Variants in MACF1 observed in about 807,000 individuals in gnomAD.
MACF1 encodes the protein microtubule actin crosslinking factor 1.
In MACF1, 193 loss-of-function variants were observed where a neutral mutation model predicts 854.8. That is an observed-to-expected ratio of 0.23 (90% CI 0.20 to 0.25). The LOEUF (loss-of-function observed/expected upper bound fraction) is 0.25. MACF1 is among the 10% of genes least tolerant of loss of function. The pLI is 1.00. For synonymous variants in MACF1, 3,185 were observed against 3,226.7 expected (o/e 0.99, Z 0.44); for missense variants, 7,722 against 8,929.1 (o/e 0.86, Z 5.45).
chr1:39,371,046 G>A (rs540018330), intron 51 of MACF1, among the ~76,000 whole-genome samples: 2 of 152,188 alleles, frequency 1.3e-5, no homozygotes, highest in South Asian at 2.1e-4. Context: ...ATGGCCAGGC[G>A]CAGTGGCTCA....
At chr1:39,385,404 C>G (rs768515313) in intron 56 of MACF1, 30 bp from the exon 57 acceptor site, 1 of 1,605,578 alleles carries the variant, frequency 6.2e-7, no homozygotes, top group East Asian at 2.2e-5. Context: ...TTTTTCCTGT[C>G]TAAACATCTT....
Position 39,427,567 on chromosome 1 carries a change from G to T in MACF1, c.16429G>T (p.Val5477Phe). ...GAAAAAGCTTGCTAACTCAGAACCTGTTGGCACTCAGACTGCCAAAATACA... is the reference window on the plus strand; with the variant it reads ...GAAAAAGCTTGCTAACTCAGAACCTTTTGGCACTCAGACTGCCAAAATACA... ...TEKKLANSEP[V>F]GTQTAKIQQQ... Residue 5477 changes from valine (V) to phenylalanine (F), a missense_variant, in exon 62 of 101, where the codon GTT becomes TTT. This residue lies in a region of MACF1 where 2,807 missense variants were observed against 3,235.8 expected (regional missense o/e 0.87). Coordinates refer to ENST00000564288, the MANE Select transcript of MACF1 (RefSeq NM_001394062.1). The T allele has an allele frequency of 1.9e-6, 3 of 1,614,124 alleles. No homozygotes were observed. Among genetic ancestry groups the T allele is most frequent in the Non-Finnish European group, 2.5e-6 (3 of 1,179,996 alleles).
chr1:39,123,639 A>G (rs537301954), intron 2 of MACF1, among the ~76,000 whole-genome samples: 67 of 150,986 alleles, frequency 4.4e-4, no homozygotes, highest in African/African-American at 1.4e-3. Flanking sequence ...CCCCGGGCTC[A>G]GGTGATCCTC....
Position 39,432,618 on chromosome 1 carries a change from A to G in MACF1, c.17421A>G (p.Glu5807=), listed in dbSNP as rs748284829. The G allele has an allele frequency of 6.2e-7, 1 of 1,614,106 alleles. No individual in the cohort carries two copies. Among genetic ancestry groups the G allele is most frequent in the Non-Finnish European group, 8.5e-7 (1 of 1,179,982 alleles). Residue 5807 remains glutamate, a synonymous_variant, in exon 67 of 101, where the codon GAA becomes GAG. Coordinates refer to ENST00000564288, the MANE Select transcript of MACF1 (RefSeq NM_001394062.1). ...KLMALGPIRL[E]QDQTTAQLQV... The stretch of plus-strand genomic sequence containing the variant: ...TGGCTCTGGGTCCAATTCGCCTGGA[A>G]CAGGACCAGACCACAGCTCAGCTTC...
chr1:39,174,747 C>T (rs1460728859), intron 2 of MACF1, among the ~76,000 whole-genome samples: 1 of 152,126 alleles, frequency 6.6e-6, no homozygotes, highest in African/African-American at 2.4e-5. Context: ...AAGCTTGAAC[C>T]AAGGTATAGA....
chr1:39,218,942 G>C (rs1012839226), intron 1 of MACF1, among the ~76,000 whole-genome samples: 1 of 152,016 alleles, frequency 6.6e-6, no homozygotes, highest in African/African-American at 2.4e-5. Context: ...CACCACACCT[G>C]GCTGATTTTT....
chr1:39,337,457 T>TTG, intron 38 of MACF1, 126 bp downstream of exon 38: 1 of 870,218 alleles, frequency 1.1e-6, no homozygotes. Context: ...TCTCAGACCC[T>TTG]TGTCAGATAA....
At chr1:39,406,023 T>C (rs1237022882) in intron 58 of MACF1, among the ~76,000 whole-genome samples, 1 of 152,166 alleles carries the variant, frequency 6.6e-6, no homozygotes, top group East Asian at 1.9e-4. Flanking sequence ...AATTAAGACA[T>C]GGAGGAGAAC....
At chr1:39,417,564 T>G (rs1239209253) in intron 58 of MACF1, among the ~76,000 whole-genome samples, 1 of 151,724 alleles carries the variant, frequency 6.6e-6, no homozygotes, top group Non-Finnish European at 1.5e-5. Flanking sequence ...GTTTTTTTTT[T>G]TAGACAGAGT....
Position 39,360,771 on chromosome 1 carries a change from T to A in MACF1, c.12245-22T>A, listed in dbSNP as rs760861502. ...ATACAAAAATTGTCTCCACTCTTTC[T>A]TTTCATGGCCTGATTTTTCAGATTC... On this transcript the variant is annotated intron_variant, in intron 47 of 100. Coordinates refer to ENST00000564288, the MANE Select transcript of MACF1 (RefSeq NM_001394062.1). 3 of 1,545,648 alleles carry A rather than the reference T, an allele frequency of 1.9e-6. No homozygotes were observed. The South Asian group carries it at 3.7e-5, about 19-fold the overall frequency.
intron 22 of MACF1, among the ~76,000 whole-genome samples, chr1:39,301,956 T>C (rs1416874395): frequency 6.6e-6 from 1 of 151,492 alleles, no homozygotes; most frequent in East Asian, 1.9e-4. Context: ...AAATACAGAC[T>C]ATGCTTGTCT....
At chr1:39,239,708 G>A (rs1269460165) in intron 2 of MACF1, among the ~76,000 whole-genome samples, 1 of 152,158 alleles carries the variant, frequency 6.6e-6, no homozygotes, top group Non-Finnish European at 1.5e-5. Flanking sequence ...TTTCTGGTCA[G>A]TTCCTGTTGA....
intron 94 of MACF1, 194 bp from the exon 95 acceptor site, chr1:39,464,901 G>A (rs1472978310): frequency 2.4e-5 from 13 of 535,126 alleles, no homozygotes; most frequent in South Asian, 4.1e-5. Context: ...GCAACAGAGC[G>A]AGACTCTCAA....
At chr1:39,212,308 T>C (rs564012501) in intron 1 of MACF1, among the ~76,000 whole-genome samples, 10 of 152,318 alleles carry the variant, frequency 6.6e-5, no homozygotes, top group South Asian at 4.1e-4. Context: ...CTCTCCTCCA[T>C]TGCAGCAGAA....
intron 1 of MACF1, among the ~76,000 whole-genome samples, chr1:39,214,364 T>C (rs557396396): frequency 6.6e-6 from 1 of 152,324 alleles, no homozygotes; most frequent in East Asian, 1.9e-4. Context: ...AACATTCCAG[T>C]GTCTGGTACA....
chr1:39,233,775 C>CTTTTTTTT (rs11286953), intron 2 of MACF1, among the ~76,000 whole-genome samples: 8 of 36,544 alleles, frequency 2.2e-4, no homozygotes, highest in South Asian at 2.0e-3. Context: ...CTAGCCATAG[C>CTTTTTTTT]TTTTTTTTTT....
chr1:39,458,543 G>T, intron 90 of MACF1, 53 bp downstream of exon 90: 1 of 1,544,162 alleles, frequency 6.5e-7, no homozygotes, highest in South Asian at 1.2e-5. Flanking sequence ...AATTGAGGAT[G>T]AGCACTTTCC....
intron 2 of MACF1, among the ~76,000 whole-genome samples, chr1:39,247,690 G>T (rs961253388): frequency 2.0e-5 from 3 of 152,178 alleles, no homozygotes; most frequent in African/African-American, 7.2e-5. Flanking sequence ...TTTGTTTATT[G>T]TTTAGACTTA....
At chr1:39,304,563 T>TTA in intron 23 of MACF1, 1 of 945,632 alleles carries the variant, frequency 1.1e-6, no homozygotes, top group Non-Finnish European at 1.6e-6. Flanking sequence ...TTTCTTTTCT[T>TTA]TCTTTTTTTT....
Sources: gnomAD v4.1 joint callset for allele counts (sites outside exome capture counted in the v4.1 genomes callset) on GRCh38, gnomAD v4.1.1 for gene constraint, gnomAD v4.1.1 regional missense constraint, MANE v1.5 for transcripts, NCBI Gene and HGNC (gene_info 2026-07-23, HGNC 2026-07-21) for gene names.